Variants in CABP1 observed in about 807,000 individuals in gnomAD.
The protein encoded by CABP1 is calcium-binding protein 1.
Under a neutral mutation model 34.3 loss-of-function variants are expected in CABP1, and 17 were observed. That is an observed-to-expected ratio of 0.50 (90% confidence interval 0.34 to 0.74). The LOEUF (loss-of-function observed/expected upper bound fraction) is 0.74, where lower values mean the gene tolerates loss of function less well. Among genes scored for constraint, CABP1 ranks in the 30% least tolerant of loss-of-function variants. The pLI is 0.01. For missense variants in CABP1, 373 were observed against 511.1 expected (o/e 0.73, Z 2.61); for synonymous variants, 198 against 229.2 (o/e 0.86, Z 1.23).
At chr12:120,679,843 A>T in the CABP1 span, among the ~76,000 whole-genome samples, 1 of 151,832 alleles carries the variant, frequency 6.6e-6, no homozygotes, top group Non-Finnish European at 1.5e-5. Context: ...AAGAAAAAAA[A>T]AGAAAAAAGA....
Position 120,660,597 on chromosome 12 carries a change from G to GA in CABP1, c.830-134_830-133insA. 1 of 747,992 alleles carries GA rather than the reference G, an allele frequency of 1.3e-6. No homozygotes were observed. The highest frequency in any genetic ancestry group is 2.4e-6 in the Non-Finnish European group (1 of 424,864). 46.3% of individuals were successfully genotyped at this position (747,992 alleles called of 1,614,324 possible). ...TGGCTCACAGGAAGAACTGAACAGA[G>GA]GGCTCTTGTTATTATTAAGTTTGTC... On this transcript the variant is annotated intron_variant, in intron 3 of 5. Transcript: ENST00000316803. This position sits in a 1 kb window ranked among gnomAD's most constrained non-coding sequence, Gnocchi z 5.0.
chr12:120,649,804 G>A (rs553239135), intron 1 of CABP1, among the ~76,000 whole-genome samples: 1 of 152,194 alleles, frequency 6.6e-6, no homozygotes, highest in South Asian at 2.1e-4. Context: ...CCCGAGCCTC[G>A]TCCCATTTCA....
intron 1 of CABP1, among the ~76,000 whole-genome samples, chr12:120,642,995 G>GGAAAAAAAAAAAA (rs530595621): frequency 2.0e-4 from 14 of 69,500 alleles, no homozygotes; most frequent in African/African-American, 4.6e-4. Context: ...CTCAGCTCCT[G>GGAAAAAAAAAAAA]AAAAAAAAAA....
Position 120,661,123 on chromosome 12 carries a change from T to C in CABP1, c.992T>C (p.Met331Thr), listed in dbSNP as rs1374969021. 3.7e-6 allele frequency: 6 copies of C among 1,613,758 alleles called. No individual in the cohort carries two copies. The highest frequency in any genetic ancestry group is 5.1e-6 in the Non-Finnish European group (6 of 1,179,984). ...EISTSELREA[M>T]RKLLGHQVGH... ...AGCACCAGTGAGCTGCGAGAGGCTA[T>C]GAGGAAGCTCCTGGGTCATCAGGTG... The change falls in exon 5 of 6, where the codon ATG (methionine) becomes ACG (threonine). Residue 331 changes from methionine to threonine, a missense_variant. Physicochemically the swap from Met to Thr is moderately conservative, Grantham distance 81 (BLOSUM62 -1). Coordinates refer to ENST00000316803, the MANE Select transcript of CABP1 (RefSeq NM_001033677.2). The surrounding 1 kb of genome is among the most constrained non-coding windows in gnomAD (Gnocchi z 5.1).
the CABP1 span, among the ~76,000 whole-genome samples, chr12:120,677,390 CT>C: frequency 0.11 from 8,235 of 76,986 alleles, 102 homozygotes; most frequent in Non-Finnish European, 0.12. Flanking sequence ...GCCCAGCCTT[CT>C]TTTTTTTTTT....
intron 1 of CABP1, among the ~76,000 whole-genome samples, chr12:120,645,115 G>A (rs1420769864): frequency 6.6e-6 from 1 of 152,070 alleles, no homozygotes; most frequent in African/African-American, 2.4e-5. Flanking sequence ...AGTTCCTGTG[G>A]TTGAGATGGG....
At chr12:120,647,060 A>G (rs1163980158) in intron 1 of CABP1, among the ~76,000 whole-genome samples, 1 of 152,234 alleles carries the variant, frequency 6.6e-6, no homozygotes, top group Non-Finnish European at 1.5e-5. Context: ...TTCCAACGAC[A>G]GAGGCATATC....
chr12:120,662,794 C>T (rs1236728917), intron 5 of CABP1, among the ~76,000 whole-genome samples: 1 of 151,816 alleles, frequency 6.6e-6, no homozygotes, highest in African/African-American at 2.4e-5. Flanking sequence ...AAGCGATTCT[C>T]CTGCCTCAGC....
In CABP1 at chr12:120,667,183, G is replaced by C. The variant is rs1881060419; in HGVS notation, c.*283G>C. The C allele has an allele frequency of 1.8e-6, 1 of 552,898 alleles. No individual in the cohort carries two copies. The highest frequency in any genetic ancestry group is 3.3e-6 in the Non-Finnish European group (1 of 307,644). 34.2% of individuals were successfully genotyped at this position (552,898 alleles called of 1,614,324 possible). ...AGGGCCATGTGCCCAGCTGCTGCTG[G>C]CTGGGTGGGCCAGGGAGCCCGCCAG... On this transcript the variant is annotated 3_prime_UTR_variant, in exon 6 of 6. Coordinates refer to ENST00000316803, the MANE Select transcript of CABP1 (RefSeq NM_001033677.2).
chr12:120,660,602 CTTG>C lies in CABP1; in HGVS notation c.830-126_830-124del. 1.3e-6 allele frequency: 1 copy of C among 755,806 alleles called. No individual in the cohort carries two copies. Among genetic ancestry groups the C allele is most frequent in the Admixed American group, 2.1e-5 (1 of 47,802 alleles). 46.8% of individuals were successfully genotyped at this position (755,806 alleles called of 1,614,324 possible). A position where few individuals can be genotyped will look rare whatever the true frequency, so the allele number is the denominator to read the frequency against. Reference sequence around the variant, plus strand: ...CACAGGAAGAACTGAACAGAGGGCTCTTGTTATTATTAAGTTTGTCTCTATCTG... The same window carrying C: ...CACAGGAAGAACTGAACAGAGGGCTCTTATTATTAAGTTTGTCTCTATCTG... On this transcript the variant is annotated intron_variant, in intron 3 of 5. Transcript: ENST00000316803. The surrounding 1 kb of genome is among the most constrained non-coding windows in gnomAD (Gnocchi z 5.0).
intron 1 of CABP1, chr12:120,656,334 G>A: frequency 1.4e-6 from 2 of 1,442,436 alleles, no homozygotes; most frequent in East Asian, 4.9e-5. Flanking sequence ...AGGAGGTGCT[G>A]GGATGAAGAA....
chr12:120,667,518 TA>T (rs1485886666), downstream of CABP1, among the ~76,000 whole-genome samples: 1 of 152,210 alleles, frequency 6.6e-6, no homozygotes, highest in Non-Finnish European at 1.5e-5. Context: ...AGACAGGGTC[TA>T]GCTCCGTCAC....
chr12:120,669,766 AG>A (rs1374294491), downstream of CABP1, among the ~76,000 whole-genome samples: 1 of 148,964 alleles, frequency 6.7e-6, no homozygotes, highest in East Asian at 2.0e-4. Context: ...AAAAAAAAAA[AG>A]AATCATAGAT....
At chr12:120,665,224 A>C (rs1880893552) in intron 5 of CABP1, among the ~76,000 whole-genome samples, 1 of 151,464 alleles carries the variant, frequency 6.6e-6, no homozygotes, top group Non-Finnish European at 1.5e-5. Flanking sequence ...GGAGTTCGAG[A>C]CCAGCCTGGG....
intron 5 of CABP1, 54 bp from the exon 6 acceptor site, chr12:120,666,821 C>G (rs571865530): frequency 1.6e-5 from 25 of 1,570,162 alleles, no homozygotes; most frequent in Middle Eastern, 3.3e-4. Flanking sequence ...AGGCAGCAAC[C>G]TGGGGAGGCC....
At chr12:120,665,943 G>A (rs1430548486) in intron 5 of CABP1, among the ~76,000 whole-genome samples, 4 of 150,402 alleles carry the variant, frequency 2.7e-5, no homozygotes, top group East Asian at 2.0e-4. Context: ...GCGTGAACCC[G>A]GGAGGCAGAG....
chr12:120,653,516 G>A (rs1956917483), intron 1 of CABP1, among the ~76,000 whole-genome samples: 1 of 151,856 alleles, frequency 6.6e-6, no homozygotes, highest in African/African-American at 2.4e-5. Flanking sequence ...TTAAAGTTTT[G>A]TTTTGTTTTG....
chr12:120,658,400 T>G (rs1483604077), intron 1 of CABP1, among the ~76,000 whole-genome samples: 4 of 151,994 alleles, frequency 2.6e-5, no homozygotes, highest in Admixed American at 1.3e-4. Context: ...GCCTGGCCCA[T>G]AGCGAGCTTT....
In CABP1 at chr12:120,651,100, G is replaced by T. The variant is rs1879816938; in HGVS notation, c.655-8778G>T. On this transcript the variant is annotated intron_variant, in intron 1 of 5. Transcript: ENST00000316803. ...AGGGACTCGTTCATATCCTTTGAGG[G>T]TCTGTGAGCCTCTCTGATGGCCTCT... Among the ~76,000 whole-genome samples, 3 of 152,284 alleles carry T rather than the reference G, an allele frequency of 2.0e-5. No homozygotes were observed. In the South Asian group the frequency reaches 6.2e-4, roughly 32 times the overall value.
Sources: gnomAD v4.1 joint callset for allele counts (sites outside exome capture counted in the v4.1 genomes callset) on GRCh38, gnomAD v4.1.1 for gene constraint, Gnocchi (gnomAD v3.1) non-coding constraint, MANE v1.5 for transcripts, NCBI Gene and HGNC (gene_info 2026-07-23, HGNC 2026-07-21) for gene names.